Variants in PARP6 observed in about 807,000 individuals in gnomAD.
PARP6 encodes protein mono-ADP-ribosyltransferase PARP6.
A neutral mutation model predicts 92.0 loss-of-function variants in PARP6; 27 were observed. The observed-to-expected ratio is 0.29, with a 90% CI of 0.22 to 0.40. PARP6 has a LOEUF of 0.40. Among genes scored for constraint, PARP6 ranks in the 10% least tolerant of loss-of-function variants. The pLI is 1.00. For missense variants in PARP6, 501 were observed against 784.5 expected (o/e 0.64, Z 4.32); for synonymous variants, 272 against 281.2 (o/e 0.97, Z 0.33).
chr15:72,242,738 T>G lies in PARP6; in HGVS notation c.1562-39A>C, dbSNP rs774984411. 3.0e-6 allele frequency: 4 copies of G among 1,351,568 alleles called. No homozygotes were observed. The highest frequency in any genetic ancestry group is 4.2e-6 in the Non-Finnish European group (4 of 959,702). The allele number at this position is 1,351,568 out of a possible 1,614,324, so 83.7% of individuals were successfully genotyped here. A position where few individuals can be genotyped will look rare whatever the true frequency, so the allele number is the denominator to read the frequency against. ...ATACACCCACTTCATTTATCAAAAA[T>G]TTACGAAAGTGCCTACTATGTCCCA... is the stretch of plus-strand genomic sequence containing the variant. On this transcript the variant is annotated intron_variant, in intron 20 of 23. Transcript: ENST00000569795. This position sits in a 1 kb window ranked among gnomAD's most constrained non-coding sequence, Gnocchi z 4.3.
intron 15 of PARP6, 70 bp from the exon 16 acceptor site, chr15:72,253,574 G>T: frequency 7.6e-7 from 1 of 1,322,430 alleles, no homozygotes; most frequent in Non-Finnish European, 1.1e-6. Context: ...GCTTTTCACA[G>T]AGTGACTATT....
chr15:72,245,449 T>C (rs1021276238), intron 20 of PARP6: 1 of 151,996 alleles, frequency 6.6e-6, no homozygotes, highest in African/African-American at 2.4e-5. Flanking sequence ...CCACAACACA[T>C]GGGAATTCAA....
chr15:72,257,251 A>G (rs1306721355), intron 13 of PARP6, 97 bp downstream of exon 13: 1 of 896,774 alleles, frequency 1.1e-6, no homozygotes, highest in Non-Finnish European at 1.9e-6. Flanking sequence ...TCTTATATAC[A>G]AAAGCATTTT....
In PARP6 at chr15:72,272,467, G is replaced by A. The variant is rs2087591531; in HGVS notation, c.-534C>T. 1 of 152,020 alleles carries A rather than the reference G, an allele frequency of 6.6e-6. No homozygotes were observed. The highest frequency in any genetic ancestry group is 6.6e-5 in the Admixed American group (1 of 15,250). The allele number at this position is 152,020 out of a possible 1,614,324, so 9.4% of individuals were successfully genotyped here. A position where few individuals can be genotyped will look rare whatever the true frequency, so the allele number is the denominator to read the frequency against. ...CCGGCCGCACCGCCCTGTGCCCGTG[G>A]TGGCGGCCACACAGGCCAGCCTGGC... On this transcript the variant is annotated 5_prime_UTR_variant, in exon 1 of 24. Transcript: ENST00000569795.
intron 20 of PARP6, chr15:72,245,369 C>CAAAA (rs1445180767): frequency 6.6e-6 from 1 of 151,680 alleles, no homozygotes; most frequent in Non-Finnish European, 1.5e-5. Context: ...TCTCAAAAAA[C>CAAAA]AAAACAAAAC....
Position 72,242,191 on chromosome 15 carries a change from C to T in PARP6, c.1671G>A (p.Gln557=). ...GTGCTATACAGTTTAGATTCCGACT[C>T]TGCAGGAACCGTGACTGAATGGATC... is the stretch of plus-strand genomic sequence containing the variant. The part of the protein sequence containing the change: ...QTRSIQSRFL[Q]SRNLNCIALC... The change falls in exon 22 of 24, where the codon CAG becomes CAA. Residue 557 remains glutamine (Q), a synonymous_variant. Transcript: ENST00000569795. This position sits in a 1 kb window ranked among gnomAD's most constrained non-coding sequence, Gnocchi z 4.3. 6.2e-7 allele frequency: 1 copy of T among 1,614,152 alleles called. No individual in the cohort carries two copies. Among genetic ancestry groups the T allele is most frequent in the Non-Finnish European group, 8.5e-7 (1 of 1,180,012 alleles).
At position 72,256,478 on chromosome 15, in the gene PARP6, G is replaced by C; in HGVS notation, c.1112C>G (p.Ala371Gly). The C allele has an allele frequency of 6.4e-7, 1 of 1,571,724 alleles. No individual in the cohort carries two copies. The highest frequency in any genetic ancestry group is 8.6e-7 in the Non-Finnish European group (1 of 1,163,364). ...VVDPTDPKTL[A>G]FNPKKKNYER... Reference sequence around the variant, plus strand: ...CAAGTAACATACCTTAGGGTTAAAGGCCAGAGTCTTGGGATCAGTGGGGTC... The same window carrying C: ...CAAGTAACATACCTTAGGGTTAAAGCCCAGAGTCTTGGGATCAGTGGGGTC... The change falls in exon 14 of 24, where the codon GCC (alanine) becomes GGC (glycine). Residue 371 changes from alanine to glycine, a missense_variant. Coordinates refer to ENST00000569795, the MANE Select transcript of PARP6 (RefSeq NM_001323532.2).
chr15:72,264,915 G>C (rs575458574), intron 7 of PARP6, among the ~76,000 whole-genome samples, 166 bp downstream of exon 7: 1 of 152,330 alleles, frequency 6.6e-6, no homozygotes, highest in East Asian at 1.9e-4. Flanking sequence ...GTTATTAGGT[G>C]ACAGGGGATG....
Position 72,251,243 on chromosome 15 carries a change from G to A in PARP6, c.1272C>T (p.Ser424=). 1.9e-6 allele frequency: 3 copies of A among 1,590,416 alleles called. No homozygotes were observed. Among genetic ancestry groups the A allele is most frequent in the Non-Finnish European group, 2.6e-6 (3 of 1,159,860 alleles). ...GTAGTTTGACAATGTGTGACCTGTTGCTAGAGATGATCCTGGGAAGAAACA... is the reference window on the plus strand; with the variant it reads ...GTAGTTTGACAATGTGTGACCTGTTACTAGAGATGATCCTGGGAAGAAACA... ...AHPLLQWIIS[S]NRSHIVKLPL... is the part of the protein sequence containing the mutation. Residue 424 remains serine (S), a synonymous_variant, in exon 17 of 24, where the codon AGC becomes AGT. Transcript: ENST00000569795.
intron 20 of PARP6, among the ~76,000 whole-genome samples, chr15:72,248,562 T>C (rs1335185014): frequency 6.6e-6 from 1 of 152,198 alleles, no homozygotes; most frequent in Non-Finnish European, 1.5e-5. Flanking sequence ...CCCCTTCATG[T>C]AGTGAACATG....
intron 13 of PARP6, among the ~76,000 whole-genome samples, chr15:72,256,900 CAG>C (rs1395358670): frequency 6.6e-6 from 1 of 152,050 alleles, no homozygotes; most frequent in Non-Finnish European, 1.5e-5. Flanking sequence ...TTTAAAGAGA[CAG>C]GGGCTCACTC....
At chr15:72,269,136 T>C (rs2087009208) in intron 2 of PARP6, among the ~76,000 whole-genome samples, 1 of 152,260 alleles carries the variant, frequency 6.6e-6, no homozygotes, top group East Asian at 1.9e-4. Flanking sequence ...AGAGGTGTTC[T>C]TGGTCTCTAA....
intron 15 of PARP6, 115 bp downstream of exon 15, chr15:72,254,340 A>T: frequency 1.4e-6 from 1 of 723,850 alleles, no homozygotes. Context: ...AGACTAAAAA[A>T]AAAATACAGT....
rs761374394 is a variant in PARP6, at chr15:72,267,465, C to T, written c.3+10G>A. On this transcript the variant is annotated intron_variant, in intron 3 of 23. Coordinates refer to ENST00000569795, the MANE Select transcript of PARP6 (RefSeq NM_001323532.2). ...ACAATCAGTTGGAGAGGTGGGCAGT[C>T]AGTTCTCACCATTGGGTCAGTGGGT... 14 of 1,613,612 alleles carry T rather than the reference C, an allele frequency of 8.7e-6. No homozygotes were observed. Among genetic ancestry groups the T allele is most frequent in the Middle Eastern group, 1.6e-4 (1 of 6,080 alleles).
Position 72,265,164 on chromosome 15 carries a change from A to T in PARP6, c.245T>A (p.Val82Asp). ...CCGGAGGACCTTCCAGGCTGTAGAG[A>T]CTTCCTCCTAAAAGAAGAAGGGAAA... ...HINISFLDEEVSTAWKVLRTE... is the reference protein window; with the variant it reads ...HINISFLDEEDSTAWKVLRTE... The change falls in exon 7 of 24, where the codon GTC becomes GAC. Residue 82 changes from valine (V) to aspartate (D), a missense_variant. Physicochemically the swap from Val to Asp is radical, Grantham distance 152. Coordinates refer to ENST00000569795, the MANE Select transcript of PARP6 (RefSeq NM_001323532.2). 6.2e-7 allele frequency: 1 copy of T among 1,609,540 alleles called. No individual in the cohort carries two copies.
intron 18 of PARP6, 33 bp from the exon 19 acceptor site, chr15:72,250,125 T>C (rs745427775): frequency 3.6e-6 from 5 of 1,370,490 alleles, no homozygotes; most frequent in Admixed American, 1.7e-5. Context: ...TGTCTCCTTA[T>C]GATATGAGGT....
At chr15:72,262,624 C>G (rs1044760789) in intron 8 of PARP6, among the ~76,000 whole-genome samples, 3 of 152,304 alleles carry the variant, frequency 2.0e-5, no homozygotes, top group African/African-American at 7.2e-5. Flanking sequence ...CAACCACTCA[C>G]CTCCAAACTT....
chr15:72,262,102 G>A (rs1219368097), intron 8 of PARP6, among the ~76,000 whole-genome samples: 1 of 152,146 alleles, frequency 6.6e-6, no homozygotes, highest in African/African-American at 2.4e-5. Context: ...AGGGAGTAGG[G>A]ACATAAGGGG....
At chr15:72,269,413 G>C (rs1298100385) in intron 2 of PARP6, among the ~76,000 whole-genome samples, 1 of 151,520 alleles carries the variant, frequency 6.6e-6, no homozygotes, top group South Asian at 2.1e-4. Flanking sequence ...CACCCGCCTC[G>C]GCCTCCCAAA....
Sources: gnomAD v4.1 joint callset for allele counts (sites outside exome capture counted in the v4.1 genomes callset) on GRCh38, gnomAD v4.1.1 for gene constraint, Gnocchi (gnomAD v3.1) non-coding constraint, MANE v1.5 for transcripts, NCBI Gene and HGNC (gene_info 2026-07-23, HGNC 2026-07-21) for gene names.